Variants in SLC5A10 observed in about 807,000 individuals in gnomAD.
The protein encoded by SLC5A10 is solute carrier family 5 member 10.
Under a neutral mutation model 68.9 loss-of-function variants are expected in SLC5A10, and 55 were observed. The observed-to-expected ratio is 0.80, with a 90% CI of 0.64 to 1.00. SLC5A10 has a LOEUF of 1.00. SLC5A10 is among the 50% of genes least tolerant of loss of function. SLC5A10 has a pLI of 0.00. For missense variants in SLC5A10, 732 were observed against 819.3 expected (o/e 0.89, Z 1.30); for synonymous variants, 344 against 344.8 (o/e 1.00, Z 0.02).
chr17:18,979,868 GC>G (rs1456087528), intron 9 of SLC5A10, among the ~76,000 whole-genome samples: 1 of 152,184 alleles, frequency 6.6e-6, no homozygotes, highest in African/African-American at 2.4e-5. Context: ...GAGCTGCTGA[GC>G]CGTGAAGCTA....
intron 9 of SLC5A10, chr17:18,979,102 T>C: frequency 1.8e-6 from 1 of 566,684 alleles, no homozygotes; most frequent in Non-Finnish European, 3.2e-6. Flanking sequence ...GGTACAGGAT[T>C]CACTAAGCAG....
chr17:19,002,830 G>T (rs2043765676), intron 9 of SLC5A10, among the ~76,000 whole-genome samples: 1 of 152,168 alleles, frequency 6.6e-6, no homozygotes, highest in Admixed American at 6.5e-5. Context: ...TGGAGAAGGG[G>T]AGGGCCAGAG....
rs1043192992 is a variant in SLC5A10, at chr17:18,971,712, C to T, written c.846+494C>T. The T allele has an allele frequency of 3.1e-6, 5 of 1,597,552 alleles. No homozygotes were observed. The highest frequency in any genetic ancestry group is 4.3e-6 in the Non-Finnish European group (5 of 1,169,778). ...GGGAAGCCGTCTTTATCCCTAGTCC[C>T]TGAGGCAGGGACCCTGTGATGATGA... is the stretch of plus-strand genomic sequence containing the variant. On this transcript the variant is annotated intron_variant, in intron 8 of 14. Transcript: ENST00000395645. This position sits in a 1 kb window ranked among gnomAD's most constrained non-coding sequence, Gnocchi z 5.5.
At chr17:18,973,570 T>C (rs2042907457) in intron 8 of SLC5A10, among the ~76,000 whole-genome samples, 1 of 152,220 alleles carries the variant, frequency 6.6e-6, no homozygotes, top group South Asian at 2.1e-4. Context: ...TGGCTCTCAC[T>C]GACACTGGGG....
Position 18,971,324 on chromosome 17 carries a change from C to A in SLC5A10, c.846+106C>A. On this transcript the variant is annotated intron_variant, in intron 8 of 14. Coordinates refer to ENST00000395645, the MANE Select transcript of SLC5A10 (RefSeq NM_001042450.4). This position sits in a 1 kb window ranked among gnomAD's most constrained non-coding sequence, Gnocchi z 5.5. ...TCCGCGTCATGAGTCTGGGCTGGGG[C>A]CTCAGAAGGTGTGGCTCCAGGCTGG... 1 of 1,606,582 alleles carries A rather than the reference C, an allele frequency of 6.2e-7. No individual in the cohort carries two copies. The highest frequency in any genetic ancestry group is 8.5e-7 in the Non-Finnish European group (1 of 1,175,278).
Position 18,982,878 on chromosome 17 carries a change from G to A in SLC5A10, c.982+5889G>A, listed in dbSNP as rs191328065. Among the ~76,000 whole-genome samples, 369 of 152,304 alleles carry A rather than the reference G, an allele frequency of 2.4e-3. 1 individual carries two copies. Among genetic ancestry groups the A allele is most frequent in the African/African-American group, 8.6e-3 (359 of 41,564 alleles). ...CGCCAACCAAGGCCTTTCTTTCCAC[G>A]CCTCAGTTTTCTCATCTATGAAAGG... On this transcript the variant is annotated intron_variant, in intron 9 of 14. Coordinates refer to ENST00000395645, the MANE Select transcript of SLC5A10 (RefSeq NM_001042450.4).
intron 9 of SLC5A10, chr17:18,978,428 G>T (rs375654515): frequency 6.3e-7 from 1 of 1,596,976 alleles, no homozygotes; most frequent in Non-Finnish European, 8.5e-7. Flanking sequence ...CTCCACCCAC[G>T]TGGGCAGGTA....
chr17:19,005,018 A>T (rs1265707963), intron 9 of SLC5A10, among the ~76,000 whole-genome samples: 1 of 152,204 alleles, frequency 6.6e-6, no homozygotes, highest in Admixed American at 6.5e-5. Flanking sequence ...CAGCGGGTCA[A>T]CAGCCTTGGC....
chr17:18,977,554 G>A, intron 9 of SLC5A10: 2 of 1,588,414 alleles, frequency 1.3e-6, no homozygotes, highest in South Asian at 1.1e-5. Flanking sequence ...AGGGACTCGT[G>A]ACCCCTGGTG....
chr17:19,011,061 C>T (rs1001338705), intron 9 of SLC5A10, among the ~76,000 whole-genome samples: 3 of 152,214 alleles, frequency 2.0e-5, no homozygotes, highest in South Asian at 4.1e-4. Context: ...CTTCTGGGCC[C>T]GGCCCTGGAC....
At chr17:18,962,824 G>A (rs917773772) in intron 5 of SLC5A10, among the ~76,000 whole-genome samples, 9 of 152,268 alleles carry the variant, frequency 5.9e-5, no homozygotes, top group African/African-American at 7.2e-5. Flanking sequence ...TGGGCACAGG[G>A]TTCTCTGCCC....
At chr17:18,984,136 A>G (rs2043205711) in intron 9 of SLC5A10, among the ~76,000 whole-genome samples, 1 of 152,016 alleles carries the variant, frequency 6.6e-6, no homozygotes, top group South Asian at 2.1e-4. Flanking sequence ...AGGTCAGCAG[A>G]TCGAGACCAT....
intron 8 of SLC5A10, among the ~76,000 whole-genome samples, chr17:18,975,469 C>T (rs747679516): frequency 2.0e-5 from 3 of 151,838 alleles, no homozygotes; most frequent in African/African-American, 4.8e-5. Flanking sequence ...GCGGGCAGAT[C>T]ACCTGAAGTC....
rs200183264 is a variant in SLC5A10, at chr17:19,009,189, GTTGT to G, written c.983-4205_983-4202del. Among the ~76,000 whole-genome samples, 1,648 of 151,610 alleles carry G rather than the reference GTTGT, an allele frequency of 0.011. 117 individuals are homozygous for G. The East Asian group carries it at 0.19, about 18-fold the overall frequency. On this transcript the variant is annotated intron_variant, in intron 9 of 14. Transcript: ENST00000395645. ...GAGCTGAGTTTGTTTTGTTGTTGTTGTTGTTTGTTTGTTTGTTTGAGACAGGGTC... is the reference window on the plus strand; with the variant it reads ...GAGCTGAGTTTGTTTTGTTGTTGTTGTTGTTTGTTTGTTTGAGACAGGGTC...
intron 8 of SLC5A10, among the ~76,000 whole-genome samples, chr17:18,975,535 C>CA (rs1567788332): frequency 2.0e-5 from 3 of 150,938 alleles, no homozygotes; most frequent in African/African-American, 4.9e-5. Flanking sequence ...ACTAAAAATA[C>CA]AAAAAAAAAT....
chr17:19,011,630 G>A (rs2044015610), intron 9 of SLC5A10, among the ~76,000 whole-genome samples: 1 of 151,990 alleles, frequency 6.6e-6, no homozygotes, highest in African/African-American at 2.4e-5. Context: ...GGGCAGGGTG[G>A]GCCCCAGACG....
chr17:18,977,650 C>T, intron 9 of SLC5A10: 1 of 1,610,056 alleles, frequency 6.2e-7, no homozygotes, highest in African/African-American at 1.3e-5. Flanking sequence ...CTTCTCTTCC[C>T]CGACTCTGGG....
At chr17:18,952,437 C>A in intron 1 of SLC5A10, 121 bp downstream of exon 1, 1 of 1,214,292 alleles carries the variant, frequency 8.2e-7, no homozygotes. Context: ...GCCTAGTGAT[C>A]CTTGTGGTCC....
chr17:19,012,871 C>A (rs1597909528), intron 9 of SLC5A10, among the ~76,000 whole-genome samples: 2 of 152,232 alleles, frequency 1.3e-5, no homozygotes. Context: ...GCAGGCCTCG[C>A]CAGCCCCTGA....
Sources: allele counts gnomAD v4.1 joint callset (sites outside exome capture counted in the v4.1 genomes callset), GRCh38; gene constraint gnomAD v4.1.1; non-coding constraint Gnocchi (gnomAD v3.1); transcripts MANE v1.5; gene names NCBI Gene and HGNC (gene_info 2026-07-23, HGNC 2026-07-21).